DDX54: variants seen among roughly 807,000 people sequenced by gnomAD.
DDX54 encodes the protein ATP-dependent RNA helicase DDX54.
A neutral mutation model predicts 105.5 loss-of-function variants in DDX54; 67 were observed. That is an observed-to-expected ratio of 0.64 (90% CI 0.52 to 0.78). The LOEUF (loss-of-function observed/expected upper bound fraction) is 0.78. Ranked by LOEUF, DDX54 falls within the 30% of genes least tolerant of loss-of-function variation. The pLI, the probability that DDX54 is intolerant of heterozygous loss-of-function variation, is 0.00. For missense variants in DDX54, 1,206 were observed against 1,230.5 expected (o/e 0.98, Z 0.30); for synonymous variants, 514 against 509.9 (o/e 1.01, Z -0.11).
chr12:113,177,014 A>G (rs1328485999), intron 6 of DDX54, 38 bp downstream of exon 6: 3 of 1,613,746 alleles, frequency 1.9e-6, no homozygotes, highest in Non-Finnish European at 2.5e-6. Context: ...ACCACTAGGA[A>G]GGGATCTCAG....
rs544735169 is a variant in DDX54 at position 113,159,101 on chromosome 12, G to A, written c.2422C>T (p.Arg808Trp). The A allele has an allele frequency of 7.5e-6, 12 of 1,597,148 alleles. No homozygotes were observed. Among genetic ancestry groups the A allele is most frequent in the Middle Eastern group, 1.7e-4 (1 of 5,900 alleles). Reference sequence around the variant, plus strand: ...GCAGGGGTGCCTGGGGCGTGGGGCCGGGATGCACCTGCTGGGACAGGGATT... The same window carrying A: ...GCAGGGGTGCCTGGGGCGTGGGGCCAGGATGCACCTGCTGGGACAGGGATT... ...GKRDRGQGAS[R>W]PHAPGTPAGR... Residue 808 changes from arginine to tryptophan, a missense_variant, in exon 20 of 20, where the codon CGG becomes TGG. By Grantham distance (101) the Arg-to-Trp change is moderately radical (BLOSUM62 -3). Transcript: ENST00000306014.
In DDX54 at chr12:113,157,532, G is replaced by A. The variant is rs556859691; in HGVS notation, c.*1345C>T. On this transcript the variant is annotated 3_prime_UTR_variant, in exon 20 of 20. Transcript: ENST00000306014. ...CCCGCCCTACCTTTCGGCCTCCCCCGCGTGTTGAGGGGTGGGGGCTGGACA... is the reference window on the plus strand; with the variant it reads ...CCCGCCCTACCTTTCGGCCTCCCCCACGTGTTGAGGGGTGGGGGCTGGACA... The A allele has an allele frequency of 2.9e-5, 38 of 1,308,634 alleles. No homozygotes were observed. The African/African-American group carries it at 3.5e-4, about 12-fold the overall frequency. The allele number at this position is 1,308,634 out of a possible 1,614,324, so 81.1% of individuals were successfully genotyped here. A position where few individuals can be genotyped will look rare whatever the true frequency, so the allele number is the denominator to read the frequency against.
intron 17 of DDX54, 140 bp downstream of exon 17, chr12:113,162,792 T>G: frequency 4.1e-6 from 3 of 740,474 alleles, no homozygotes; most frequent in East Asian, 3.0e-5. Flanking sequence ...ACCCCGGGCA[T>G]GGAGGGGCGG....
intron 1 of DDX54, among the ~76,000 whole-genome samples, chr12:113,185,068 G>T (rs1952512148): frequency 6.6e-6 from 1 of 152,234 alleles, no homozygotes. Flanking sequence ...TCCAGCCCCG[G>T]GATCCCAAGG....
chr12:113,163,109 C>T lies in DDX54; in HGVS notation c.2081+23G>A, dbSNP rs372345401. The stretch of plus-strand genomic sequence containing the variant: ...GACCCAGCGGACCCAACTGCCCCAC[C>T]CAGGACCCAGCCAGCCACTCACCCC... On this transcript the variant is annotated intron_variant, in intron 16 of 19. Coordinates refer to ENST00000306014, the MANE Select transcript of DDX54 (RefSeq NM_024072.4). This position sits in a 1 kb window ranked among gnomAD's most constrained non-coding sequence, Gnocchi z 5.9. The T allele has an allele frequency of 2.0e-5, 33 of 1,612,002 alleles. No individual in the cohort carries two copies. The highest frequency in any genetic ancestry group is 2.7e-5 in the African/African-American group (2 of 74,872).
At chr12:113,185,051 C>A (rs187340210) in intron 1 of DDX54, among the ~76,000 whole-genome samples, 87 of 152,344 alleles carry the variant, frequency 5.7e-4, no homozygotes, top group Admixed American at 5.5e-3. Flanking sequence ...CAGGAAGGCC[C>A]GCAGGCTCCA....
chr12:113,181,094 G>A, intron 1 of DDX54, 36 bp from the exon 2 acceptor site: 2 of 1,595,214 alleles, frequency 1.3e-6, no homozygotes, highest in South Asian at 1.1e-5. Flanking sequence ...TGTCACTCCA[G>A]GCACAGTGGG....
intron 11 of DDX54, among the ~76,000 whole-genome samples, chr12:113,171,223 G>C (rs922599991): frequency 6.6e-6 from 1 of 152,198 alleles, no homozygotes; most frequent in South Asian, 2.1e-4. Context: ...AGAAGGCAAA[G>C]AAAGTAGAAT....
At chr12:113,177,170 A>C (rs927782422) in intron 5 of DDX54, 77 bp from the exon 6 acceptor site, 2 of 1,545,068 alleles carry the variant, frequency 1.3e-6, no homozygotes, top group African/African-American at 2.7e-5. Context: ...TGTCCAGGCA[A>C]GGCTGCACAC....
chr12:113,161,321 A>T lies in DDX54; in HGVS notation c.2362T>A (p.Ser788Thr). Residue 788 changes from serine (S) to threonine (T), a missense_variant, in exon 19 of 20, where the codon TCT (serine) becomes ACT (threonine). Ser to Thr is a moderately conservative substitution (Grantham distance 58, BLOSUM62 1). Around this residue, in one of 3 missense-constraint regions of DDX54, gnomAD observed 961 missense variants for 1,019.1 expected, o/e 0.94. Coordinates refer to ENST00000306014, the MANE Select transcript of DDX54 (RefSeq NM_024072.4). ...CTTCGCTCTGGGCCTCGCCGGTCAG[A>T]TGCCCCTTCTTCGTCCGAGTCACGA... is the stretch of plus-strand genomic sequence containing the variant. The part of the protein sequence containing the change: ...DDRDSDEEGA[S>T]DRRGPERRGG... The T allele has an allele frequency of 6.2e-7, 1 of 1,613,560 alleles. No homozygotes were observed. Among genetic ancestry groups the T allele is most frequent in the Non-Finnish European group, 8.5e-7 (1 of 1,179,746 alleles).
chr12:113,180,773 C>T (rs930749364), intron 2 of DDX54, among the ~76,000 whole-genome samples, 156 bp downstream of exon 2: 1 of 152,220 alleles, frequency 6.6e-6, no homozygotes, highest in African/African-American at 2.4e-5. Context: ...CGCTGCCCCA[C>T]TAGAAGGCCC....
At chr12:113,179,103 T>C (rs781475288) in intron 4 of DDX54, 40 bp downstream of exon 4, 30 of 1,613,172 alleles carry the variant, frequency 1.9e-5, no homozygotes, top group African/African-American at 1.3e-5. Flanking sequence ...CGGTCCCAAG[T>C]CAGCCCTTGC....
chr12:113,159,261 GT>G, intron 19 of DDX54, 152 bp from the exon 20 acceptor site: 2 of 842,254 alleles, frequency 2.4e-6, no homozygotes, highest in Non-Finnish European at 3.5e-6. Context: ...GGCTAATAAA[GT>G]TTTAGGCAGC....
Position 113,185,393 on chromosome 12 carries a change from C to G in DDX54, c.59G>C (p.Trp20Ser). Residue 20 changes from tryptophan to serine, a missense_variant, in exon 1 of 20, where the codon TGG becomes TCG. This residue lies in a region of DDX54 where 212 missense variants were observed against 155.4 expected (regional missense o/e 1.36). Coordinates refer to ENST00000306014, the MANE Select transcript of DDX54 (RefSeq NM_024072.4). The stretch of plus-strand genomic sequence containing the variant: ...CTTCCGGAGCCCTTTCTTCTTCCTC[C>G]ACTGGGCCATGGCAGCTCGCGACCG... ...GPRSRAAMAQ[W>S]RKKKGLRKRR... The G allele has an allele frequency of 6.4e-7, 1 of 1,560,256 alleles. No homozygotes were observed. Among genetic ancestry groups the G allele is most frequent in the Non-Finnish European group, 8.7e-7 (1 of 1,155,704 alleles).
rs758742181 is a variant in DDX54 at position 113,163,010 on chromosome 12, T to A, written c.2117A>T (p.Gln706Leu). ...SISGEGGAFE[Q>L]QAAGAVLDLM... ...GTCCAGGACAGCGCCAGCTGCCTGCTGCTCAAAGGCTCCCCCTTCCCCGCT... is the reference window on the plus strand; with the variant it reads ...GTCCAGGACAGCGCCAGCTGCCTGCAGCTCAAAGGCTCCCCCTTCCCCGCT... The change falls in exon 17 of 20, where the codon CAG (glutamine) becomes CTG (leucine). Residue 706 changes from glutamine to leucine, a missense_variant. Transcript: ENST00000306014. The surrounding 1 kb of genome is among the most constrained non-coding windows in gnomAD (Gnocchi z 5.9). 6.2e-7 allele frequency: 1 copy of A among 1,609,756 alleles called. No homozygotes were observed. Among genetic ancestry groups the A allele is most frequent in the East Asian group, 2.2e-5 (1 of 44,882 alleles).
chr12:113,184,072 G>A (rs1002347947), intron 1 of DDX54, among the ~76,000 whole-genome samples: 5 of 151,498 alleles, frequency 3.3e-5, no homozygotes, highest in African/African-American at 1.2e-4. Flanking sequence ...TCAGCCTCCC[G>A]AGTAGCTGGG....
At position 113,177,287 on chromosome 12, in the gene DDX54, A is replaced by G. The variant is rs1826387621; in HGVS notation, c.615-194T>C. 4 of 602,618 alleles carry G rather than the reference A, an allele frequency of 6.6e-6. No individual in the cohort carries two copies. The South Asian group carries it at 8.7e-5, about 13-fold the overall frequency. The allele number at this position is 602,618 out of a possible 1,614,324, so 37.3% of individuals were successfully genotyped here. A position where few individuals can be genotyped will look rare whatever the true frequency, so the allele number is the denominator to read the frequency against. On this transcript the variant is annotated intron_variant, in intron 5 of 19. Transcript: ENST00000306014. ...CAAGAGATACAAGCTGAAATATGCA[A>G]AAGAATGGTAACAACAGAGTTCCTC...
intron 11 of DDX54, among the ~76,000 whole-genome samples, chr12:113,171,378 C>A (rs1029638699): frequency 2.6e-5 from 4 of 152,000 alleles, no homozygotes; most frequent in Non-Finnish European, 5.9e-5. Context: ...GAGGCAGATG[C>A]ATCACTTGAG....
chr12:113,163,270 A>AT lies in DDX54; in HGVS notation c.1942dup (p.Ile648AsnfsTer43). ...CTTCCGGCCCACGACCTCTGAGAAA[A>AT]TGTCCTGGCAGAGCACAGACCAAGG... On this transcript the variant is annotated frameshift_variant, in exon 16 of 20. Transcript: ENST00000306014. LOFTEE classifies it high-confidence loss of function. This position sits in a 1 kb window ranked among gnomAD's most constrained non-coding sequence, Gnocchi z 5.9. The AT allele has an allele frequency of 6.2e-7, 1 of 1,608,416 alleles. No individual in the cohort carries two copies. Among genetic ancestry groups the AT allele is most frequent in the South Asian group, 1.1e-5 (1 of 91,028 alleles).
Sources: gnomAD v4.1 joint callset for allele counts (sites outside exome capture counted in the v4.1 genomes callset) on GRCh38, gnomAD v4.1.1 for gene constraint, gnomAD v4.1.1 regional missense constraint, Gnocchi (gnomAD v3.1) non-coding constraint, MANE v1.5 for transcripts, NCBI Gene and HGNC (gene_info 2026-07-23, HGNC 2026-07-21) for gene names.